The following ASIC2 variants were observed in gnomAD, a reference collection of about 807,000 sequenced individuals.
ASIC2 encodes acid-sensing ion channel 2.
Under a neutral mutation model 57.3 loss-of-function variants are expected in ASIC2, and 25 were observed. The ratio of observed to expected loss-of-function variants is 0.44; its 90% CI spans 0.32 to 0.61. The LOEUF is 0.61. ASIC2 is among the 20% of genes least tolerant of loss of function. The pLI is 0.06. For missense variants in ASIC2, 641 were observed against 738.1 expected, an observed-to-expected ratio of 0.87 and a Z score of 1.52; for synonymous variants, 319 against 307.5, an observed-to-expected ratio of 1.04 and a Z score of -0.39.
chr17:34,020,027 C>T (rs920106221), intron 1 of ASIC2, among the ~76,000 whole-genome samples: 1 of 152,186 alleles, frequency 6.6e-6, no homozygotes, highest in African/African-American at 2.4e-5. Context: ...TCCTGCCACA[C>T]GCTTTGGCCA....
At chr17:33,576,555 G>A (rs553248716) in intron 1 of ASIC2, among the ~76,000 whole-genome samples, 22 of 152,170 alleles carry the variant, frequency 1.4e-4, no homozygotes, top group Admixed American at 3.9e-4. Flanking sequence ...GTTACTTCAA[G>A]TGACTTACTT....
chr17:33,443,290 C>T (rs559094453), intron 1 of ASIC2, among the ~76,000 whole-genome samples: 8 of 152,138 alleles, frequency 5.3e-5, no homozygotes, highest in African/African-American at 1.7e-4. Flanking sequence ...AGTATCCTCG[C>T]CTCCATTTCC....
rs374085636 is a variant in ASIC2 at position 33,865,299 on chromosome 17, G to C, written c.555+290679C>G. ...ACATTTTGTTCCATTTCCATTGGGC[G>C]GATCAACCCAGTAACCTGGCAGAAT... On this transcript the variant is annotated intron_variant, in intron 1 of 9. Coordinates refer to the ASIC2 transcript ENST00000359872. Among the ~76,000 whole-genome samples the C allele has an allele frequency of 1.4e-3, 217 of 152,250 alleles. 3 individuals carry two copies. In the South Asian group the frequency reaches 0.031, roughly 21 times the overall value.
At chr17:33,794,134 G>A (rs1171491520) in intron 1 of ASIC2, 1 of 152,160 alleles carries the variant, frequency 6.6e-6, no homozygotes, top group Non-Finnish European at 1.5e-5. Context: ...CTGCCTCCTA[G>A]GAGCCCCAAT....
At chr17:33,641,904 T>A (rs1485890099) in intron 1 of ASIC2, among the ~76,000 whole-genome samples, 1 of 152,238 alleles carries the variant, frequency 6.6e-6, no homozygotes, top group Admixed American at 6.5e-5. Context: ...CACCCAGGGC[T>A]GTGGAAAGGA....
chr17:34,151,041 T>C (rs1404341181), intron 1 of ASIC2, among the ~76,000 whole-genome samples: 5 of 146,940 alleles, frequency 3.4e-5, no homozygotes, highest in African/African-American at 1.3e-4. Flanking sequence ...AGGTGGAGGT[T>C]GCAGTGAGCT....
intron 1 of ASIC2, among the ~76,000 whole-genome samples, chr17:34,129,169 T>C (rs1911880091): frequency 6.6e-6 from 1 of 152,196 alleles, no homozygotes; most frequent in South Asian, 2.1e-4. Context: ...CGTCAAGCAC[T>C]ATGCTTAGCA....
At chr17:33,982,707 C>A (rs1905670333) in intron 1 of ASIC2, among the ~76,000 whole-genome samples, 1 of 152,184 alleles carries the variant, frequency 6.6e-6, no homozygotes, top group South Asian at 2.1e-4. Context: ...ACTATCATCT[C>A]CTCTGGGAAG....
In ASIC2 at chr17:33,292,572, C is replaced by A; in HGVS notation, c.-457G>T. The A allele has an allele frequency of 2.0e-6, 2 of 985,838 alleles. No homozygotes were observed. Among genetic ancestry groups the A allele is most frequent in the Non-Finnish European group, 2.4e-6 (2 of 830,278 alleles). The allele number at this position is 985,838 out of a possible 1,614,324, so 61.1% of individuals were successfully genotyped here. Reference sequence around the variant, plus strand: ...TACGCTGGTCCTGGGAGAAGGGCCACTCGGCCACCATGCCTGATCTGGACA... The same window carrying A: ...TACGCTGGTCCTGGGAGAAGGGCCAATCGGCCACCATGCCTGATCTGGACA... On this transcript the variant is annotated 5_prime_UTR_variant, in exon 1 of 10. Transcript: ENST00000225823.
In ASIC2 at chr17:34,039,952, G is replaced by A. The variant is rs889556206; in HGVS notation, c.555+116026C>T. The stretch of plus-strand genomic sequence containing the variant: ...ACCCGACCCGGCTGCGGACCGCTCC[G>A]CTCTCCCCCTGGGCAGGCCCGGGGC... On this transcript the variant is annotated intron_variant, in intron 1 of 9. Transcript: ENST00000359872. 10 of 1,239,394 alleles carry A rather than the reference G, an allele frequency of 8.1e-6. No individual in the cohort carries two copies. In the African/African-American group the frequency reaches 8.9e-5, roughly 11 times the overall value. The allele number at this position is 1,239,394 out of a possible 1,614,324, so 76.8% of individuals were successfully genotyped here. A position where few individuals can be genotyped will look rare whatever the true frequency, so the allele number is the denominator to read the frequency against.
At chr17:33,356,460 A>T (rs1052093166) in intron 1 of ASIC2, among the ~76,000 whole-genome samples, 1 of 152,116 alleles carries the variant, frequency 6.6e-6, no homozygotes, top group African/African-American at 2.4e-5. Flanking sequence ...CTGGGCGGAC[A>T]TTGGACCAGA....
intron 1 of ASIC2, among the ~76,000 whole-genome samples, chr17:33,987,622 G>A (rs371720850): frequency 2.6e-5 from 4 of 152,056 alleles, no homozygotes; most frequent in African/African-American, 7.3e-5. Context: ...TCCCATTCCA[G>A]TATCATTTAA....
At chr17:33,220,961 A>G (rs1253497519) in intron 1 of ASIC2, among the ~76,000 whole-genome samples, 3 of 152,108 alleles carry the variant, frequency 2.0e-5, no homozygotes, top group African/African-American at 7.2e-5. Flanking sequence ...AGTCCCAGCT[A>G]CTCTGGAGGC....
intron 1 of ASIC2, among the ~76,000 whole-genome samples, chr17:33,941,396 C>T (rs142437898): frequency 2.6e-5 from 4 of 152,304 alleles, no homozygotes; most frequent in African/African-American, 7.2e-5. Context: ...GGGAGGCAGC[C>T]GTACTGCACT....
chr17:33,221,422 C>T (rs1907688481), intron 1 of ASIC2, among the ~76,000 whole-genome samples: 2 of 152,178 alleles, frequency 1.3e-5, no homozygotes, highest in South Asian at 2.1e-4. Flanking sequence ...CCAACATGAC[C>T]GTTGTTTTTG....
intron 1 of ASIC2, among the ~76,000 whole-genome samples, chr17:33,374,859 G>A (rs1313457069): frequency 6.6e-6 from 1 of 152,104 alleles, no homozygotes; most frequent in Non-Finnish European, 1.5e-5. Flanking sequence ...AAAGCACTAA[G>A]CACCTTTGTA....
chr17:33,161,956 A>G (rs1905176368), intron 1 of ASIC2, among the ~76,000 whole-genome samples: 2 of 148,826 alleles, frequency 1.3e-5, no homozygotes, highest in African/African-American at 2.5e-5. Flanking sequence ...TGAGATCAGC[A>G]TAAGGTAAAG....
At chr17:33,863,892 CTTTTTTTGTTTTTTT>C (rs142789102) in intron 1 of ASIC2, among the ~76,000 whole-genome samples, 42,254 of 133,404 alleles carry the variant, frequency 0.32, 6,126 homozygotes, top group Admixed American at 0.34. Context: ...ACAGTTACCT[CTTTTTTTGTTTTTTT>C]TTTTTTTGTT....
chr17:33,678,018 A>G (rs1301134197), intron 1 of ASIC2, among the ~76,000 whole-genome samples: 1 of 152,194 alleles, frequency 6.6e-6, no homozygotes, highest in Non-Finnish European at 1.5e-5. Flanking sequence ...GTCAGTCTAC[A>G]TGGCAAACTT....
Sources: allele counts gnomAD v4.1 joint callset (sites outside exome capture counted in the v4.1 genomes callset), GRCh38; gene constraint gnomAD v4.1.1; transcripts MANE v1.5; gene names NCBI Gene and HGNC (gene_info 2026-07-23, HGNC 2026-07-21).